Variants in JAKMIP1 observed in about 807,000 individuals in gnomAD.
The protein encoded by JAKMIP1 is janus kinase and microtubule interacting protein 1.
In JAKMIP1, 33 loss-of-function variants were observed where a neutral mutation model predicts 113.0. The ratio of observed to expected loss-of-function variants is 0.29; its 90% CI spans 0.22 to 0.39. The LOEUF is 0.39. Among genes scored for constraint, JAKMIP1 ranks in the 10% least tolerant of loss-of-function variants. The pLI, the probability that JAKMIP1 is intolerant of heterozygous loss-of-function variation, is 1.00. For missense variants in JAKMIP1, 813 were observed against 1,080.5 expected, an observed-to-expected ratio of 0.75 and a Z score of 3.47; for synonymous variants, 480 against 459.9, an observed-to-expected ratio of 1.04 and a Z score of -0.56.
chr4:6,178,271 T>C lies in JAKMIP1; in HGVS notation c.-148+21982A>G, dbSNP rs1725609881. Among the ~76,000 whole-genome samples the C allele has an allele frequency of 6.6e-6, 1 of 152,242 alleles. No individual in the cohort carries two copies. Among genetic ancestry groups the C allele is most frequent in the Non-Finnish European group, 1.5e-5 (1 of 68,044 alleles). On this transcript the variant is annotated intron_variant, in intron 1 of 20. Transcript: ENST00000409021. This position sits in a 1 kb window ranked among gnomAD's most constrained non-coding sequence, Gnocchi z 5.5. Reference sequence around the variant, plus strand: ...TTCAGGTAAGCAGCTTTTCCTTTGTTACCCTACGATATGGTTTGGCTGTGT... The same window carrying C: ...TTCAGGTAAGCAGCTTTTCCTTTGTCACCCTACGATATGGTTTGGCTGTGT...
intron 16 of JAKMIP1, among the ~76,000 whole-genome samples, chr4:6,048,597 A>G (rs938073725): frequency 1.3e-5 from 2 of 152,246 alleles, no homozygotes; most frequent in Non-Finnish European, 2.9e-5. Context: ...ACGCAGGGAA[A>G]CCACTGGAAG....
At chr4:6,033,772 G>T in intron 19 of JAKMIP1, among the ~76,000 whole-genome samples, 1 of 152,098 alleles carries the variant, frequency 6.6e-6, no homozygotes, top group East Asian at 1.9e-4. Flanking sequence ...TGTAATGCAG[G>T]TTTGAATTCC....
At chr4:6,115,280 C>G (rs916144271) in intron 1 of JAKMIP1, among the ~76,000 whole-genome samples, 3 of 151,986 alleles carry the variant, frequency 2.0e-5, no homozygotes, top group African/African-American at 4.8e-5. Context: ...CGTGGTGGTG[C>G]GCACCTGTAA....
At chr4:6,131,268 A>G (rs1387845529) in intron 1 of JAKMIP1, among the ~76,000 whole-genome samples, 2 of 151,644 alleles carry the variant, frequency 1.3e-5, no homozygotes, top group Non-Finnish European at 2.9e-5. Context: ...AATTGAAGAA[A>G]TATTTGAAGC....
At chr4:6,074,885 T>G (rs1247518494) in intron 8 of JAKMIP1, among the ~76,000 whole-genome samples, 3 of 152,248 alleles carry the variant, frequency 2.0e-5, no homozygotes, top group Non-Finnish European at 4.4e-5. Flanking sequence ...CGGCACAGGC[T>G]TGCAGCCCAG....
At chr4:6,125,745 TACAG>T (rs1392616707) in intron 1 of JAKMIP1, among the ~76,000 whole-genome samples, 1 of 101,228 alleles carries the variant, frequency 9.9e-6, no homozygotes, top group African/African-American at 3.9e-5. Flanking sequence ...ATACCCACCA[TACAG>T]AAACACACAC....
At chr4:6,041,264 C>G (rs1012434060) in intron 17 of JAKMIP1, among the ~76,000 whole-genome samples, 1 of 152,200 alleles carries the variant, frequency 6.6e-6, no homozygotes, top group Non-Finnish European at 1.5e-5. Flanking sequence ...TAGAATTCAT[C>G]TCCTGTAGCC....
chr4:6,056,583 C>A, intron 12 of JAKMIP1, 114 bp downstream of exon 12: 1 of 761,842 alleles, frequency 1.3e-6, no homozygotes. Flanking sequence ...GGACCCGAGG[C>A]CCTGGTCACT....
rs1877765 is a variant in JAKMIP1, at chr4:6,097,819, G to C, written c.624+7654C>G. ...GCTTCCTTAGGCAGCTTGGAGAAAC[G>C]CAATCTGGTTCCCTTGATCAAAAGC... On this transcript the variant is annotated intron_variant, in intron 3 of 20. Transcript: ENST00000409021. The surrounding 1 kb of genome is among the most constrained non-coding windows in gnomAD (Gnocchi z 4.3). Among the ~76,000 whole-genome samples, 1 of 152,158 alleles carries C rather than the reference G, an allele frequency of 6.6e-6. No homozygotes were observed. Among genetic ancestry groups the C allele is most frequent in the Non-Finnish European group, 1.5e-5 (1 of 68,032 alleles).
intron 8 of JAKMIP1, among the ~76,000 whole-genome samples, chr4:6,075,841 C>G (rs1719624905): frequency 6.6e-6 from 1 of 152,308 alleles, no homozygotes; most frequent in East Asian, 1.9e-4. Flanking sequence ...CGATTCAATT[C>G]CAACCCTTTG....
At position 6,109,278 on chromosome 4, in the gene JAKMIP1, A is replaced by G. The variant is rs542257442; in HGVS notation, c.130-3311T>C. Among the ~76,000 whole-genome samples the G allele has an allele frequency of 3.3e-4, 50 of 150,300 alleles. 1 individual carries two copies. The highest frequency in any genetic ancestry group is 3.5e-3 in the Middle Eastern group (1 of 282). ...TTCCAGAGTAGCTGGGACTACAGGC[A>G]CCCGCCACTGCGCCCGGCTAATTTT... On this transcript the variant is annotated intron_variant, in intron 2 of 20. Coordinates refer to ENST00000409021, the MANE Select transcript of JAKMIP1 (RefSeq NM_001099433.2).
At position 6,193,745 on chromosome 4, in the gene JAKMIP1, T is replaced by C. The variant is rs1727533805; in HGVS notation, c.-148+6508A>G. Among the ~76,000 whole-genome samples, 2 of 152,122 alleles carry C rather than the reference T, an allele frequency of 1.3e-5. No individual in the cohort carries two copies. The highest frequency in any genetic ancestry group is 4.8e-5 in the African/African-American group (2 of 41,422). ...CTGGGAGCCCCCAGCACGATGCTGA[T>C]CATGGGAGGCTGAACTGATGCATTA... On this transcript the variant is annotated intron_variant, in intron 1 of 20. Coordinates refer to ENST00000409021, the MANE Select transcript of JAKMIP1 (RefSeq NM_001099433.2). This position sits in a 1 kb window ranked among gnomAD's most constrained non-coding sequence, Gnocchi z 6.4.
chr4:6,066,220 C>A (rs193100338), intron 8 of JAKMIP1, among the ~76,000 whole-genome samples: 4,994 of 152,040 alleles, frequency 0.033, 92 homozygotes, highest in South Asian at 0.084. Flanking sequence ...AGTGTTTTAC[C>A]CAGATATCTG....
chr4:6,141,957 A>G lies in JAKMIP1; in HGVS notation c.-147-28960T>C, dbSNP rs918741914. On this transcript the variant is annotated intron_variant, in intron 1 of 20. Coordinates refer to ENST00000409021, the MANE Select transcript of JAKMIP1 (RefSeq NM_001099433.2). This position sits in a 1 kb window ranked among gnomAD's most constrained non-coding sequence, Gnocchi z 9.4. ...CTCCAATAAAGAAACTTGGGAGAAC[A>G]CAGAAAAGGAAAAGGAAGAGAAAAA... Among the ~76,000 whole-genome samples the G allele has an allele frequency of 1.3e-5, 2 of 152,196 alleles. No individual in the cohort carries two copies. The highest frequency in any genetic ancestry group is 4.8e-5 in the African/African-American group (2 of 41,458).
intron 1 of JAKMIP1, among the ~76,000 whole-genome samples, chr4:6,171,841 T>C (rs1187172063): frequency 1.3e-5 from 2 of 152,226 alleles, no homozygotes; most frequent in African/African-American, 2.4e-5. Context: ...CAAAAATTAC[T>C]TCACAACCCA....
intron 1 of JAKMIP1, among the ~76,000 whole-genome samples, chr4:6,128,788 CCCT>C (rs771200226): frequency 6.6e-6 from 1 of 152,184 alleles, no homozygotes; most frequent in African/African-American, 2.4e-5. Context: ...GTCTCCCTGA[CCCT>C]CCTCCTCCTA....
At chr4:6,198,962 C>G (rs1444250981) in intron 1 of JAKMIP1, among the ~76,000 whole-genome samples, 1 of 152,232 alleles carries the variant, frequency 6.6e-6, no homozygotes, top group Non-Finnish European at 1.5e-5. Context: ...GGGGCTGAGG[C>G]TGCCCCTGCC....
At chr4:6,107,611 G>A (rs1459985129) in intron 2 of JAKMIP1, among the ~76,000 whole-genome samples, 1 of 152,172 alleles carries the variant, frequency 6.6e-6, no homozygotes, top group East Asian at 1.9e-4. Context: ...CTGCCTCCCG[G>A]CTGCACTGGG....
At chr4:6,083,049 T>C (rs1195706813) in intron 5 of JAKMIP1, among the ~76,000 whole-genome samples, 1 of 152,138 alleles carries the variant, frequency 6.6e-6, no homozygotes, top group Non-Finnish European at 1.5e-5. Flanking sequence ...TTTTAAGGTA[T>C]TTATTTAAAC....
Sources: allele counts gnomAD v4.1 joint callset (sites outside exome capture counted in the v4.1 genomes callset), GRCh38; gene constraint gnomAD v4.1.1; non-coding constraint Gnocchi (gnomAD v3.1); transcripts MANE v1.5; gene names NCBI Gene and HGNC (gene_info 2026-07-23, HGNC 2026-07-21).